The following ANKRD28 variants were observed in gnomAD, a reference collection of about 807,000 sequenced individuals.
ANKRD28 encodes the protein ankyrin repeat domain 28, also known as serine/threonine-protein phosphatase 6 regulatory ankyrin repeat subunit A.
ANKRD28 carries 44 observed loss-of-function variants against 126.5 expected under a neutral mutation model. The observed-to-expected ratio is 0.35, with a 90% CI of 0.27 to 0.45. The LOEUF (loss-of-function observed/expected upper bound fraction) is 0.45. ANKRD28 is among the 20% of genes least tolerant of loss of function. The pLI is 1.00. For missense variants in ANKRD28, 1,110 were observed against 1,316.6 expected, an observed-to-expected ratio of 0.84 and a Z score of 2.43; for synonymous variants, 442 against 468.5, an observed-to-expected ratio of 0.94 and a Z score of 0.73.
At chr3:15,844,647 T>C (rs2061493177) in intron 1 of ANKRD28, among the ~76,000 whole-genome samples, 2 of 152,108 alleles carry the variant, frequency 1.3e-5, no homozygotes, top group African/African-American at 2.4e-5. Flanking sequence ...AGTTAAAACA[T>C]AGGAGGTTCT....
intron 14 of ANKRD28, among the ~76,000 whole-genome samples, chr3:15,700,062 A>T (rs1386579086): frequency 6.6e-6 from 1 of 152,256 alleles, no homozygotes; most frequent in Admixed American, 6.5e-5. Context: ...ACCATAAAAA[A>T]GGATGAGTTC....
At chr3:15,771,359 G>A (rs553958536) in intron 2 of ANKRD28, among the ~76,000 whole-genome samples, 18 of 148,462 alleles carry the variant, frequency 1.2e-4, no homozygotes, top group Admixed American at 4.8e-4. Flanking sequence ...GCAGTGAGCC[G>A]AGATCCCGCC....
chr3:15,805,321 T>C (rs1359209777), intron 1 of ANKRD28, among the ~76,000 whole-genome samples: 11 of 152,206 alleles, frequency 7.2e-5, no homozygotes, highest in Non-Finnish European at 1.3e-4. Context: ...GTTAGGTTAT[T>C]TTCTTCATAA....
chr3:15,832,542 C>T (rs949793755), intron 1 of ANKRD28, among the ~76,000 whole-genome samples: 1 of 152,154 alleles, frequency 6.6e-6, no homozygotes, highest in African/African-American at 2.4e-5. Flanking sequence ...TGATGAAGTG[C>T]GCTTTTAGTG....
intron 4 of ANKRD28, among the ~76,000 whole-genome samples, chr3:15,741,048 A>C (rs1276001560): frequency 6.6e-6 from 1 of 152,034 alleles, no homozygotes; most frequent in Admixed American, 6.5e-5. Context: ...AATATACAAA[A>C]ATTAGCCAGG....
chr3:15,705,579 T>C (rs546495889), intron 14 of ANKRD28, among the ~76,000 whole-genome samples: 20 of 152,370 alleles, frequency 1.3e-4, no homozygotes, highest in Middle Eastern at 3.4e-3. Context: ...AGGGATAAGC[T>C]ACTTATCCAA....
intron 2 of ANKRD28, among the ~76,000 whole-genome samples, chr3:15,787,116 G>A (rs2059817908): frequency 6.6e-6 from 1 of 152,026 alleles, no homozygotes; most frequent in Admixed American, 6.6e-5. Flanking sequence ...AAAGAATGAG[G>A]AAAGTCTCTA....
chr3:15,701,129 G>C (rs1490017500), intron 14 of ANKRD28, among the ~76,000 whole-genome samples: 1 of 152,124 alleles, frequency 6.6e-6, no homozygotes, highest in African/African-American at 2.4e-5. Flanking sequence ...CAATGTAACT[G>C]ATCTTTCAGT....
chr3:15,786,729 T>G (rs1426834808), intron 2 of ANKRD28, among the ~76,000 whole-genome samples: 1 of 152,142 alleles, frequency 6.6e-6, no homozygotes, highest in African/African-American at 2.4e-5. Flanking sequence ...TAATTTATCA[T>G]ATTTTTGCTA....
rs553563856 is a variant in ANKRD28 at position 15,854,869 on chromosome 3, T to C, written c.27+4508A>G. ...ATTGAGACTATCCTGGCCAACATGG[T>C]GAAACCCCGTCTCTACTAAAATTAC... On this transcript the variant is annotated intron_variant, in intron 1 of 27. Transcript: ENST00000399451. This position sits in a 1 kb window ranked among gnomAD's most constrained non-coding sequence, Gnocchi z 4.1. Among the ~76,000 whole-genome samples the C allele has an allele frequency of 4.0e-4, 61 of 152,166 alleles. No homozygotes were observed. Among genetic ancestry groups the C allele is most frequent in the Non-Finnish European group, 7.1e-4 (48 of 67,996 alleles).
rs546804199 is a variant in ANKRD28 at position 15,812,576 on chromosome 3, T to A, written c.28-17270A>T. On this transcript the variant is annotated intron_variant, in intron 1 of 27. Transcript: ENST00000399451. The surrounding 1 kb of genome is among the most constrained non-coding windows in gnomAD (Gnocchi z 4.1). ...CTTAATCAAATTTTACTATATTAAG[T>A]TGGCATTTCGTTGTTGTTTTTCTGT... Among the ~76,000 whole-genome samples, 11 of 152,368 alleles carry A rather than the reference T, an allele frequency of 7.2e-5. No homozygotes were observed. The East Asian group carries it at 2.1e-3, about 29-fold the overall frequency.
At chr3:15,756,368 G>A (rs2058155501) in intron 3 of ANKRD28, 1 of 370,938 alleles carries the variant, frequency 2.7e-6, no homozygotes. Flanking sequence ...ATATAAAAGT[G>A]CACTCTGAAA....
intron 1 of ANKRD28, among the ~76,000 whole-genome samples, chr3:15,804,698 A>C (rs1292008745): frequency 2.7e-5 from 4 of 145,476 alleles, no homozygotes; most frequent in Non-Finnish European, 6.0e-5. Context: ...GGTTACAGCC[A>C]AGTGGAGGTG....
At chr3:15,731,355 C>A (rs1247025102) in intron 6 of ANKRD28, among the ~76,000 whole-genome samples, 1 of 152,184 alleles carries the variant, frequency 6.6e-6, no homozygotes, top group African/African-American at 2.4e-5. Flanking sequence ...AACACTGATG[C>A]ACTCTGCTTA....
At chr3:15,792,964 C>T (rs781515908) in intron 2 of ANKRD28, among the ~76,000 whole-genome samples, 1 of 151,974 alleles carries the variant, frequency 6.6e-6, no homozygotes, top group Non-Finnish European at 1.5e-5. Context: ...ACTAAAGAAA[C>T]TCATCTAAAA....
chr3:15,766,393 C>A (rs1036101597), intron 2 of ANKRD28, 81 bp from the exon 3 acceptor site: 5 of 966,254 alleles, frequency 5.2e-6, no homozygotes, highest in East Asian at 2.6e-5. Context: ...ACAACAACAA[C>A]CCCTCCCCCC....
rs763664313 is a variant in ANKRD28, at chr3:15,812,940, G to A, written c.28-17634C>T. 1.3e-5 allele frequency among the ~76,000 whole-genome samples: 2 copies of A among 151,474 alleles called. No homozygotes were observed. The highest frequency in any genetic ancestry group is 1.5e-5 in the Non-Finnish European group (1 of 67,950). Reference sequence around the variant, plus strand: ...GTGACCCGATTCACTCCAATTTGAAGAAAACAATCAGGTAAACGGTGTGTT... The same window carrying A: ...GTGACCCGATTCACTCCAATTTGAAAAAAACAATCAGGTAAACGGTGTGTT... On this transcript the variant is annotated intron_variant, in intron 1 of 27. Transcript: ENST00000399451. The surrounding 1 kb of genome is among the most constrained non-coding windows in gnomAD (Gnocchi z 4.1).
chr3:15,785,647 G>A (rs2125728959), intron 2 of ANKRD28, among the ~76,000 whole-genome samples: 1 of 152,042 alleles, frequency 6.6e-6, no homozygotes, highest in South Asian at 2.1e-4. Flanking sequence ...ACTTTGACAG[G>A]TTTTTTAACA....
chr3:15,738,826 G>A (rs764820547), intron 4 of ANKRD28: 7 of 152,212 alleles, frequency 4.6e-5, no homozygotes, highest in Non-Finnish European at 7.3e-5. Context: ...AGGCCTGGGA[G>A]CGCTATGGGA....
Sources: gnomAD v4.1 joint callset for allele counts (sites outside exome capture counted in the v4.1 genomes callset) on GRCh38, gnomAD v4.1.1 for gene constraint, Gnocchi (gnomAD v3.1) non-coding constraint, MANE v1.5 for transcripts, NCBI Gene and HGNC (gene_info 2026-07-23, HGNC 2026-07-21) for gene names.